SEC14L5: variants seen among roughly 807,000 people sequenced by gnomAD.
The protein encoded by SEC14L5 is SEC14 like lipid binding 5, also known as SEC14-like protein 5.
Under a neutral mutation model 84.6 loss-of-function variants are expected in SEC14L5, and 96 were observed. The observed-to-expected ratio is 1.13, with a 90% CI of 0.96 to 1.34. The LOEUF is 1.34. Among genes scored for constraint, SEC14L5 ranks in the 40% most tolerant of loss-of-function variants. The pLI is 0.00. For synonymous variants in SEC14L5, 546 were observed against 383.4 expected (o/e 1.42, Z -4.95); for missense variants, 1,224 against 942.5 (o/e 1.30, Z -3.91).
chr16:4,975,161 A>T (rs1955325577), intron 2 of SEC14L5, among the ~76,000 whole-genome samples: 1 of 152,120 alleles, frequency 6.6e-6, no homozygotes, highest in Admixed American at 6.6e-5. Context: ...CATTTAGAAT[A>T]ATGACCTCCA....
intron 13 of SEC14L5, 70 bp from the exon 14 acceptor site, chr16:5,008,351 G>A: frequency 8.7e-7 from 1 of 1,150,618 alleles, no homozygotes; most frequent in South Asian, 1.3e-5. Flanking sequence ...AGCCCCTCCT[G>A]CCACTGTGTT....
intron 2 of SEC14L5, among the ~76,000 whole-genome samples, chr16:4,968,928 C>T (rs1207694396): frequency 2.0e-5 from 3 of 152,194 alleles, no homozygotes; most frequent in South Asian, 4.1e-4. Flanking sequence ...TTAGCCAATG[C>T]GTTATTAATA....
intron 8 of SEC14L5, among the ~76,000 whole-genome samples, chr16:4,998,418 C>T (rs1460422096): frequency 6.6e-6 from 1 of 151,994 alleles, no homozygotes; most frequent in African/African-American, 2.4e-5. Flanking sequence ...CCTGTGCCTA[C>T]GACACTTTCC....
chr16:5,011,217 C>CG lies in SEC14L5; in HGVS notation c.1926dup (p.Pro643AlafsTer10), dbSNP rs1285822486. The CG allele has an allele frequency of 1.2e-6, 2 of 1,613,884 alleles. No homozygotes were observed. The highest frequency in any genetic ancestry group is 1.7e-6 in the Non-Finnish European group (2 of 1,179,876). ...ATGTCCTGACGGCTCTGCACAGCCC[C>CG]GGGCCCAAGTGCAAACTTCTCTACT... On this transcript the variant is annotated frameshift_variant, in exon 15 of 16. Coordinates refer to ENST00000251170, the MANE Select transcript of SEC14L5 (RefSeq NM_014692.2). LOFTEE classifies it high-confidence loss of function.
chr16:5,003,524 G>T lies in SEC14L5; in HGVS notation c.1253G>T (p.Arg418Leu). The T allele has an allele frequency of 5.0e-6, 8 of 1,612,012 alleles. No individual in the cohort carries two copies. The highest frequency in any genetic ancestry group is 6.8e-6 in the Non-Finnish European group (8 of 1,179,206). The change falls in exon 11 of 16, where the codon CGG (arginine) becomes CTG (leucine). Residue 418 changes from arginine (R) to leucine (L), a missense_variant. Arg to Leu is a moderately radical substitution (Grantham distance 102). Coordinates refer to ENST00000251170, the MANE Select transcript of SEC14L5 (RefSeq NM_014692.2). ...VEDNYPETLG[R>L]LLIVRAPRVF... Reference sequence around the variant, plus strand: ...GACAATTACCCAGAGACCCTGGGTCGGCTGCTCATCGTGCGAGCCCCCCGA... The same window carrying T: ...GACAATTACCCAGAGACCCTGGGTCTGCTGCTCATCGTGCGAGCCCCCCGA...
chr16:5,000,666 C>G lies in SEC14L5; in HGVS notation c.982C>G (p.Leu328Val), dbSNP rs916806286. The part of the protein sequence containing the change: ...WHYQDIDGRP[L>V]YILRLGQMDT... ...CCCCATCCACAAAGATGGCCGCCCC[C>G]TCTACATCCTCCGCCTGGGCCAGAT... is the stretch of plus-strand genomic sequence containing the variant. The change falls in exon 9 of 16, where the codon CTC becomes GTC. Residue 328 changes from leucine to valine, a missense_variant. Leu to Val is a conservative substitution (Grantham distance 32, BLOSUM62 1). Transcript: ENST00000251170. 10 of 1,551,462 alleles carry G rather than the reference C, an allele frequency of 6.4e-6. No homozygotes were observed. In the African/African-American group the frequency reaches 1.1e-4, roughly 17 times the overall value.
chr16:4,982,884 T>C (rs1955441089), intron 2 of SEC14L5, among the ~76,000 whole-genome samples: 1 of 152,146 alleles, frequency 6.6e-6, no homozygotes, highest in Non-Finnish European at 1.5e-5. Flanking sequence ...GGTGAGACCC[T>C]CTAATGGCTC....
rs1394212716 is a variant in SEC14L5, at chr16:5,018,580, T to G, written c.*3610T>G. ...TGCTCGGGAGGCTGAGGCAGAAGGA[T>G]TGCTTGGAGGTCAAGGCTGGAGTGA... is the stretch of plus-strand genomic sequence containing the variant. On this transcript the variant is annotated 3_prime_UTR_variant, in exon 16 of 16. Transcript: ENST00000251170. The G allele has an allele frequency of 2.0e-5, 3 of 152,130 alleles. No homozygotes were observed. Among genetic ancestry groups the G allele is most frequent in the Non-Finnish European group, 4.4e-5 (3 of 68,048 alleles). 9.4% of individuals were successfully genotyped at this position (152,130 alleles called of 1,614,324 possible). A position where few individuals can be genotyped will look rare whatever the true frequency, so the allele number is the denominator to read the frequency against.
At chr16:4,996,657 C>T (rs541023481) in intron 7 of SEC14L5, among the ~76,000 whole-genome samples, 197 bp downstream of exon 7, 103 of 152,072 alleles carry the variant, frequency 6.8e-4, no homozygotes, top group Non-Finnish European at 1.2e-3. Context: ...CTGCAACCTT[C>T]GCCTCCTGGG....
chr16:5,004,238 C>T (rs1035245486), intron 11 of SEC14L5, among the ~76,000 whole-genome samples: 13 of 152,104 alleles, frequency 8.5e-5, no homozygotes, highest in Admixed American at 2.0e-4. Flanking sequence ...GACTTAGGGG[C>T]CAGGAAGTTC....
chr16:5,011,778 G>C (rs1204224165), intron 15 of SEC14L5, among the ~76,000 whole-genome samples: 1 of 152,090 alleles, frequency 6.6e-6, no homozygotes, highest in African/African-American at 2.4e-5. Context: ...CCCTTAAATG[G>C]GAACCACTGG....
chr16:4,978,046 C>T (rs1044193851), intron 2 of SEC14L5, among the ~76,000 whole-genome samples: 1 of 148,860 alleles, frequency 6.7e-6, no homozygotes, highest in African/African-American at 2.5e-5. Context: ...AAGTGATCCA[C>T]CTGCCTCGGC....
At chr16:4,973,373 G>A (rs898169488) in intron 2 of SEC14L5, among the ~76,000 whole-genome samples, 1 of 140,534 alleles carries the variant, frequency 7.1e-6, no homozygotes, top group African/African-American at 2.6e-5. Context: ...CAGCTGCAAT[G>A]ATGGATTGTC....
In SEC14L5 at chr16:5,014,911, G is replaced by T. The variant is rs373201837; in HGVS notation, c.2032G>T (p.Ala678Ser). The change falls in exon 16 of 16, where the codon GCC (alanine) becomes TCC (serine). Residue 678 changes from alanine to serine, a missense_variant. Physicochemically the swap from Ala to Ser is moderately conservative, Grantham distance 99 (BLOSUM62 1). Coordinates refer to ENST00000251170, the MANE Select transcript of SEC14L5 (RefSeq NM_014692.2). ...CACCAGCGGCTTCTCCCAGCTCAGC[G>T]CCGCCACCTCGTCCTCCTCCTCCGG... ...SCTSGFSQLS[A>S]ATSSSSSGQS... is the part of the protein sequence containing the mutation. 2.0e-4 allele frequency: 326 copies of T among 1,613,412 alleles called. 3 individuals are homozygous for T. The South Asian group carries it at 2.7e-3, about 14-fold the overall frequency.
Position 4,988,237 on chromosome 16 carries a change from C to G in SEC14L5, c.302C>G (p.Thr101Ser). The G allele has an allele frequency of 1.9e-6, 3 of 1,613,806 alleles. No homozygotes were observed. Among genetic ancestry groups the G allele is most frequent in the Non-Finnish European group, 2.5e-6 (3 of 1,179,772 alleles). Residue 101 changes from threonine (T) to serine (S), a missense_variant, in exon 4 of 16, where the codon ACC (threonine) becomes AGC (serine). By Grantham distance (58) the Thr-to-Ser change is moderately conservative (BLOSUM62 1). Coordinates refer to ENST00000251170, the MANE Select transcript of SEC14L5 (RefSeq NM_014692.2). ...RTLLIEAHNE[T>S]FANRVVVNEH... ...CTCCTCATCGAAGCGCACAATGAGA[C>G]CTTCGCCAACCGCGTGGTGGTGAAC...
At position 5,011,186 on chromosome 16, in the gene SEC14L5, T is replaced by C; in HGVS notation, c.1892T>C (p.Val631Ala). The change falls in exon 15 of 16, where the codon GTG becomes GCG. Residue 631 changes from valine to alanine, a missense_variant. Physicochemically the swap from Val to Ala is moderately conservative, Grantham distance 64. Coordinates refer to ENST00000251170, the MANE Select transcript of SEC14L5 (RefSeq NM_014692.2). The part of the protein sequence containing the change: ...PSSVACSLPG[V>A]DDVLTALHSP... The stretch of plus-strand genomic sequence containing the variant: ...AGCGTGGCCTGCAGCCTCCCGGGTG[T>C]GGACGATGTCCTGACGGCTCTGCAC... The C allele has an allele frequency of 6.2e-7, 1 of 1,613,738 alleles. No homozygotes were observed. Among genetic ancestry groups the C allele is most frequent in the Non-Finnish European group, 8.5e-7 (1 of 1,179,818 alleles).
At chr16:5,012,216 C>G (rs149790392) in intron 15 of SEC14L5, among the ~76,000 whole-genome samples, 184 of 152,272 alleles carry the variant, frequency 1.2e-3, no homozygotes, top group African/African-American at 4.0e-3. Context: ...GCCATCGGTC[C>G]TCAGTGTGAG....
At chr16:5,012,730 C>T (rs140842361) in intron 15 of SEC14L5, among the ~76,000 whole-genome samples, 3,162 of 151,914 alleles carry the variant, frequency 0.021, 111 homozygotes, top group African/African-American at 0.071. Flanking sequence ...CATGGCGAAA[C>T]CCCGTCTTTA....
At chr16:5,010,898 C>A in intron 14 of SEC14L5, 197 bp from the exon 15 acceptor site, 1 of 580,442 alleles carries the variant, frequency 1.7e-6, no homozygotes, top group Non-Finnish European at 3.0e-6. Context: ...AGGCTCTGGT[C>A]CCAGGGATAT....
Sources: gnomAD v4.1 joint callset for allele counts (sites outside exome capture counted in the v4.1 genomes callset) on GRCh38, gnomAD v4.1.1 for gene constraint, MANE v1.5 for transcripts, NCBI Gene and HGNC (gene_info 2026-07-23, HGNC 2026-07-21) for gene names.